Variants in COL6A5 observed in about 807,000 individuals in gnomAD.
The protein encoded by COL6A5 is collagen type VI alpha 5 chain.
COL6A5 carries 48 observed loss-of-function variants against 65.6 expected under a neutral mutation model. The ratio of observed to expected loss-of-function variants is 0.73; its 90% CI spans 0.58 to 0.93. The LOEUF is 0.93. Among genes scored for constraint, COL6A5 ranks in the 40% least tolerant of loss-of-function variants. COL6A5 has a pLI of 0.00. For synonymous variants in COL6A5, 291 were observed against 322.8 expected (o/e 0.90, Z 1.05); for missense variants, 914 against 928.3 (o/e 0.98, Z 0.20).
At chr3:130,464,490 T>A (rs531121871) in intron 5 of COL6A5, among the ~76,000 whole-genome samples, 3 of 151,928 alleles carry the variant, frequency 2.0e-5, no homozygotes, top group Non-Finnish European at 4.4e-5. Context: ...GAAATTGAAA[T>A]ACTGTAGTTG....
intron 7 of COL6A5, among the ~76,000 whole-genome samples, chr3:130,474,141 G>C (rs1300496440): frequency 6.6e-6 from 1 of 152,072 alleles, no homozygotes; most frequent in Non-Finnish European, 1.5e-5. Flanking sequence ...GGAGAAGAGA[G>C]CTGAACAAAG....
chr3:130,422,903 G>C (rs2107685977), intron 28 of COL6A5, 121 bp downstream of exon 28: 1 of 559,472 alleles, frequency 1.8e-6, no homozygotes, highest in Non-Finnish European at 3.1e-6. Context: ...CCACTTGCTA[G>C]CTGTGACCTT....
chr3:130,472,832 CATATATAT>C (rs10654631), intron 7 of COL6A5, among the ~76,000 whole-genome samples: 1,092 of 99,392 alleles, frequency 0.011, 40 homozygotes, highest in African/African-American at 0.039. Flanking sequence ...TGTGTGTATA[CATATATAT>C]ATATATATAT....
At chr3:130,477,376 C>T (rs1170678009) in intron 7 of COL6A5, 1 of 261,090 alleles carries the variant, frequency 3.8e-6, no homozygotes, top group Admixed American at 5.2e-5. Flanking sequence ...TTTTGTTTTC[C>T]TAAAGAGATT....
At chr3:130,467,506 T>G (rs1385769540) in intron 5 of COL6A5, among the ~76,000 whole-genome samples, 2 of 152,070 alleles carry the variant, frequency 1.3e-5, no homozygotes, top group Non-Finnish European at 2.9e-5. Flanking sequence ...GGGAAACTAC[T>G]GACCAACTAC....
At chr3:130,385,298 G>T in exon 5 of COL6A5, 1 of 1,550,894 alleles carries the variant, frequency 6.4e-7, no homozygotes, top group Non-Finnish European at 8.7e-7. Flanking sequence ...GGTTAGCTTT[G>T]GGCAGAACTT....
chr3:130,484,113 G>A, exon 8 of COL6A5: 1 of 1,507,708 alleles, frequency 6.6e-7, no homozygotes, highest in Non-Finnish European at 9.1e-7. Context: ...GTTCTAACCA[G>A]AATGTATAAT....
exon 5 of COL6A5, chr3:130,384,814 T>C (rs1485103624): frequency 6.5e-7 from 1 of 1,544,100 alleles, no homozygotes; most frequent in South Asian, 1.2e-5. Context: ...GCTGTGTGGA[T>C]ACAAAAGAGG....
intron 4 of COL6A5, among the ~76,000 whole-genome samples, chr3:130,450,571 A>G (rs1709409288): frequency 6.6e-6 from 1 of 152,122 alleles, no homozygotes; most frequent in Non-Finnish European, 1.5e-5. Flanking sequence ...AAACCTTGTG[A>G]TCAGGTAAAT....
chr3:130,386,842 A>G (rs1334537715), intron 5 of COL6A5, among the ~76,000 whole-genome samples: 1 of 152,024 alleles, frequency 6.6e-6, no homozygotes, highest in Non-Finnish European at 1.5e-5. Context: ...TAAAATGGCT[A>G]ACAGAGAAGC....
At chr3:130,450,177 C>A (rs964500564) in intron 4 of COL6A5, among the ~76,000 whole-genome samples, 1 of 152,054 alleles carries the variant, frequency 6.6e-6, no homozygotes, top group African/African-American at 2.4e-5. Flanking sequence ...AGTGGAAATG[C>A]AACATTGGTG....
chr3:130,476,036 G>A (rs1710083373), intron 7 of COL6A5, among the ~76,000 whole-genome samples: 1 of 152,028 alleles, frequency 6.6e-6, no homozygotes, highest in African/African-American at 2.4e-5. Flanking sequence ...GTGGGTTGAA[G>A]AGGAGGTATA....
At chr3:130,376,758 A>C in exon 3 of COL6A5, 1 of 1,613,690 alleles carries the variant, frequency 6.2e-7, no homozygotes, top group East Asian at 2.2e-5. Context: ...AGACCTCAGC[A>C]CATTTTCCCA....
In COL6A5 at chr3:130,391,554, A is replaced by G. The variant is rs1346832250; in HGVS notation, c.2792A>G (p.His931Arg). The change falls in exon 7 of 42, where the codon CAT becomes CGT. Residue 931 changes from histidine to arginine, a missense_variant and NMD_transcript_variant. His to Arg is a conservative substitution (Grantham distance 29, BLOSUM62 0). Transcript: ENST00000312481. Reference sequence around the variant, plus strand: ...ATCACCGATGGGGAATCCCATGACCATGATCAGCTCAATGACACAGCATTG... The same window carrying G: ...ATCACCGATGGGGAATCCCATGACCGTGATCAGCTCAATGACACAGCATTG... The G allele has an allele frequency of 8.4e-6, 13 of 1,551,596 alleles. No homozygotes were observed. The highest frequency in any genetic ancestry group is 1.7e-4 in the Middle Eastern group (1 of 6,014).
intron 1 of COL6A5, among the ~76,000 whole-genome samples, chr3:130,351,972 C>T (rs1934733997): frequency 1.3e-5 from 2 of 152,194 alleles, no homozygotes; most frequent in South Asian, 2.1e-4. Context: ...GAATACTATG[C>T]AGCCATAAAA....
upstream of COL6A5, among the ~76,000 whole-genome samples, chr3:130,429,829 T>C (rs72982496): frequency 4.7e-3 from 712 of 152,340 alleles, 11 homozygotes; most frequent in African/African-American, 0.016. Flanking sequence ...TCCCCAGTGC[T>C]GGCCCTGTGC....
intron 17 of COL6A5, among the ~76,000 whole-genome samples, chr3:130,408,701 G>A (rs1228055948): frequency 6.6e-6 from 1 of 152,058 alleles, no homozygotes; most frequent in Non-Finnish European, 1.5e-5. Context: ...CTGCCGACAT[G>A]TGATGTCACC....
intron 7 of COL6A5, among the ~76,000 whole-genome samples, chr3:130,482,149 G>A (rs973636362): frequency 2.6e-5 from 4 of 152,070 alleles, no homozygotes; most frequent in East Asian, 1.9e-4. Context: ...GTATTGCCTA[G>A]GTTTTCTTCT....
intron 1 of COL6A5, among the ~76,000 whole-genome samples, chr3:130,352,516 A>G (rs977455440): frequency 6.6e-6 from 1 of 152,174 alleles, no homozygotes; most frequent in African/African-American, 2.4e-5. Context: ...ATAAATAATT[A>G]TATTTCAACC....
Sources: gnomAD v4.1 joint callset for allele counts (sites outside exome capture counted in the v4.1 genomes callset) on GRCh38, gnomAD v4.1.1 for gene constraint, MANE v1.5 for transcripts, NCBI Gene and HGNC (gene_info 2026-07-23, HGNC 2026-07-21) for gene names.